Variants in PTPRE observed in about 807,000 individuals in gnomAD.
PTPRE encodes the protein receptor-type tyrosine-protein phosphatase epsilon.
A neutral mutation model predicts 102.0 loss-of-function variants in PTPRE; 51 were observed. The observed-to-expected ratio is 0.50, with a 90% CI of 0.40 to 0.63. The LOEUF (loss-of-function observed/expected upper bound fraction) is 0.63. Ranked by LOEUF, PTPRE falls within the 30% of genes least tolerant of loss-of-function variation. The pLI, the probability that PTPRE is intolerant of heterozygous loss-of-function variation, is 0.00. For missense variants in PTPRE, 752 were observed against 915.1 expected (o/e 0.82, Z 2.30); for synonymous variants, 345 against 348.2 (o/e 0.99, Z 0.10).
chr10:127,962,767 T>C (rs1197752259), intron 1 of PTPRE, among the ~76,000 whole-genome samples: 1 of 152,112 alleles, frequency 6.6e-6, no homozygotes, highest in East Asian at 1.9e-4. Flanking sequence ...TGGCAGTTAG[T>C]GGGCAGAGGC....
At chr10:128,045,518 C>T (rs996192662) in intron 3 of PTPRE, among the ~76,000 whole-genome samples, 1 of 152,130 alleles carries the variant, frequency 6.6e-6, no homozygotes, top group Non-Finnish European at 1.5e-5. Flanking sequence ...TGGGTACATT[C>T]GAGAGGGAGG....
At chr10:128,059,917 G>A (rs1268585620) in intron 7 of PTPRE, among the ~76,000 whole-genome samples, 1 of 148,432 alleles carries the variant, frequency 6.7e-6, no homozygotes, top group Non-Finnish European at 1.5e-5. Flanking sequence ...GCCCTGACGT[G>A]TGTGTACACA....
At chr10:128,018,872 T>A (rs925064429) in intron 2 of PTPRE, among the ~76,000 whole-genome samples, 39 of 151,074 alleles carry the variant, frequency 2.6e-4, no homozygotes, top group South Asian at 2.1e-3. Context: ...TCTCTCTCTC[T>A]CACACACACA....
intron 20 of PTPRE, among the ~76,000 whole-genome samples, chr10:128,080,664 C>T (rs1184674519): frequency 6.6e-6 from 1 of 152,210 alleles, no homozygotes; most frequent in Non-Finnish European, 1.5e-5. Flanking sequence ...CAGCTGTGCT[C>T]TTCCTGACCG....
At chr10:128,082,338 A>AGTAGCTGG (rs1851801111) in intron 20 of PTPRE, among the ~76,000 whole-genome samples, 1 of 150,260 alleles carries the variant, frequency 6.7e-6, no homozygotes, top group Admixed American at 6.6e-5. Context: ...CCGCTTCCCA[A>AGTAGCTGG]GTAGCTGGGA....
chr10:128,064,269 C>G (rs931045147), intron 10 of PTPRE, among the ~76,000 whole-genome samples: 1 of 152,228 alleles, frequency 6.6e-6, no homozygotes, highest in Non-Finnish European at 1.5e-5. Context: ...GAAGCAGCCT[C>G]CAGCCACCGT....
chr10:128,057,086 G>A (rs1181570401), intron 7 of PTPRE, among the ~76,000 whole-genome samples: 4 of 152,092 alleles, frequency 2.6e-5, no homozygotes, highest in African/African-American at 9.7e-5. Flanking sequence ...GCATGGTGGT[G>A]GACGCCTGTA....
rs574229986 is a variant in PTPRE at position 127,946,444 on chromosome 10, G to A, written c.-30-35830G>A. ...TAAAACACTAAATTTATAATGGCAA[G>A]GCCTGTCAACAGGGAAAGATTGAAA... On this transcript the variant is annotated intron_variant, in intron 1 of 20. Coordinates refer to ENST00000254667, the MANE Select transcript of PTPRE (RefSeq NM_006504.6). Among the ~76,000 whole-genome samples the A allele has an allele frequency of 2.7e-4, 40 of 148,016 alleles. 3 individuals carry two copies. The highest frequency in any genetic ancestry group is 9.6e-4 in the African/African-American group (39 of 40,818).
intron 1 of PTPRE, among the ~76,000 whole-genome samples, chr10:127,963,861 G>T (rs545727920): frequency 6.6e-6 from 1 of 152,222 alleles, no homozygotes; most frequent in Non-Finnish European, 1.5e-5. Flanking sequence ...CAGGGAGTCC[G>T]CAGTGGGCCA....
intron 2 of PTPRE, chr10:127,998,618 A>G (rs1258645551): frequency 1.3e-5 from 2 of 152,224 alleles, no homozygotes; most frequent in African/African-American, 4.8e-5. Context: ...GGCGCTGCAC[A>G]TAAGAAAAGA....
intron 1 of PTPRE, among the ~76,000 whole-genome samples, chr10:127,908,687 C>G (rs1845662771): frequency 6.6e-6 from 1 of 152,216 alleles, no homozygotes; most frequent in South Asian, 2.1e-4. Flanking sequence ...GGGGGCTGCG[C>G]TGTCAGTGAG....
intron 6 of PTPRE, 52 bp from the exon 7 acceptor site, chr10:128,056,071 G>A (rs1848937048): frequency 7.2e-7 from 1 of 1,394,982 alleles, no homozygotes. Flanking sequence ...ACTGACATGA[G>A]CATGGTGCTT....
rs1554896087 is a variant in PTPRE at position 127,944,500 on chromosome 10, A to ATGGATAAG, written c.-31+37196_-31+37197insAAGTGGAT. On this transcript the variant is annotated intron_variant, in intron 1 of 20. Coordinates refer to ENST00000254667, the MANE Select transcript of PTPRE (RefSeq NM_006504.6). The surrounding 1 kb of genome is among the most constrained non-coding windows in gnomAD (Gnocchi z 4.2). The stretch of plus-strand genomic sequence containing the variant: ...GATGGATGGATGGATGGATGGATGG[A>ATGGATAAG]TGGATGGATGGATGGGTGGATGGAT... Among the ~76,000 whole-genome samples the ATGGATAAG allele has an allele frequency of 8.1e-4, 119 of 146,138 alleles. 2 individuals carry two copies. Among genetic ancestry groups the ATGGATAAG allele is most frequent in the African/African-American group, 2.1e-3 (82 of 38,978 alleles).
rs184509258 is a variant in PTPRE, at chr10:127,948,600, C to T, written c.-30-33674C>T. ...TTCTAGAATGTCATGTGGTTGGAAT[C>T]ATATAATATGTAGCTTTTTCAGATT... On this transcript the variant is annotated intron_variant, in intron 1 of 20. Coordinates refer to ENST00000254667, the MANE Select transcript of PTPRE (RefSeq NM_006504.6). 1.1e-3 allele frequency among the ~76,000 whole-genome samples: 166 copies of T among 152,306 alleles called. 1 individual carries two copies. The highest frequency in any genetic ancestry group is 3.7e-3 in the African/African-American group (152 of 41,572).
chr10:128,065,043 C>T (rs547602980), intron 10 of PTPRE, among the ~76,000 whole-genome samples: 1 of 152,292 alleles, frequency 6.6e-6, no homozygotes, highest in African/African-American at 2.4e-5. Context: ...CAAGACTCAC[C>T]CAAACCGGGA....
At chr10:128,062,970 C>T in intron 9 of PTPRE, 113 bp from the exon 10 acceptor site, 1 of 1,512,010 alleles carries the variant, frequency 6.6e-7, no homozygotes, top group Middle Eastern at 2.0e-4. Flanking sequence ...CCCAACAAGC[C>T]TGAGAAGGGA....
At chr10:127,936,719 C>T (rs1270451065) in intron 1 of PTPRE, among the ~76,000 whole-genome samples, 1 of 152,112 alleles carries the variant, frequency 6.6e-6, no homozygotes, top group Non-Finnish European at 1.5e-5. Context: ...TGAGAGGTGT[C>T]ATGAATTATT....
At chr10:127,908,225 T>A (rs190079401) in intron 1 of PTPRE, among the ~76,000 whole-genome samples, 3 of 152,274 alleles carry the variant, frequency 2.0e-5, no homozygotes, top group Admixed American at 2.0e-4. Context: ...CTGCTTGTAT[T>A]TTAGAGTGAA....
chr10:127,990,148 G>A (rs1330119634), intron 2 of PTPRE, among the ~76,000 whole-genome samples: 1 of 151,900 alleles, frequency 6.6e-6, no homozygotes, highest in Non-Finnish European at 1.5e-5. Flanking sequence ...AAGTTGAATG[G>A]CCTCTGTAAT....
Sources: allele counts gnomAD v4.1 joint callset (sites outside exome capture counted in the v4.1 genomes callset), GRCh38; gene constraint gnomAD v4.1.1; non-coding constraint Gnocchi (gnomAD v3.1); transcripts MANE v1.5; gene names NCBI Gene and HGNC (gene_info 2026-07-23, HGNC 2026-07-21).